Variants in CAST observed in about 807,000 individuals in gnomAD.
The protein encoded by CAST is calpastatin, also known as MIR583 host.
In CAST, 76 loss-of-function variants were observed where a neutral mutation model predicts 119.6. The observed-to-expected ratio is 0.64, with a 90% CI of 0.53 to 0.77. CAST has a LOEUF of 0.77. Among genes scored for constraint, CAST ranks in the 30% least tolerant of loss-of-function variants. The pLI, the probability that CAST is intolerant of heterozygous loss-of-function variation, is 0.00. For synonymous variants in CAST, 319 were observed against 331.6 expected, an observed-to-expected ratio of 0.96 and a Z score of 0.41; for missense variants, 953 against 946.5, an observed-to-expected ratio of 1.01 and a Z score of -0.09.
chr5:96,085,228 TA>T, the CAST span, among the ~76,000 whole-genome samples: 76 of 151,388 alleles, frequency 5.0e-4, no homozygotes, highest in African/African-American at 1.6e-3. Context: ...GTCTATCAAT[TA>T]AAAAAAAATA....
rs1054032935 is a variant in CAST at position 96,664,361 on chromosome 5, GTGTGTGTGCATATATA to G, written c.75+1886_75+1901del. The stretch of plus-strand genomic sequence containing the variant: ...TGTGTGCATATATATGTAAATATAT[GTGTGTGTGCATATATA>G]TGTGTGTGCATATATATGTGTAAAT... On this transcript the variant is annotated intron_variant, in intron 1 of 31. Transcript: ENST00000675179. Among the ~76,000 whole-genome samples the G allele has an allele frequency of 3.0e-3, 446 of 151,170 alleles. 2 individuals carry two copies. The highest frequency in any genetic ancestry group is 0.01 in the African/African-American group (424 of 40,974).
At chr5:96,768,834 C>T (rs909905510) in intron 29 of CAST, 2 of 157,874 alleles carry the variant, frequency 1.3e-5, no homozygotes, top group African/African-American at 4.8e-5. Context: ...CATCTTCTCC[C>T]TTCCCAGTCC....
At chr5:96,458,449 A>C in the CAST span, among the ~76,000 whole-genome samples, 1 of 152,202 alleles carries the variant, frequency 6.6e-6, no homozygotes, top group African/African-American at 2.4e-5. Flanking sequence ...AGGATGGAGG[A>C]GGAGGGTAAA....
At chr5:96,206,541 A>C in the CAST span, among the ~76,000 whole-genome samples, 1 of 151,916 alleles carries the variant, frequency 6.6e-6, no homozygotes, top group Non-Finnish European at 1.5e-5. Flanking sequence ...GTTCTCCCAG[A>C]ACAGTTTATT....
chr5:96,737,988 G>A lies in CAST; in HGVS notation c.798+41G>A, dbSNP rs772664006. The A allele has an allele frequency of 5.2e-6, 6 of 1,144,120 alleles. No homozygotes were observed. The East Asian group carries it at 1.2e-4, about 22-fold the overall frequency. 70.9% of individuals were successfully genotyped at this position (1,144,120 alleles called of 1,614,324 possible). A position where few individuals can be genotyped will look rare whatever the true frequency, so the allele number is the denominator to read the frequency against. Reference sequence around the variant, plus strand: ...ATCTGTAAAAATTCATACTCAGTGGGTAGGAGAGCAAATAAGGCCATGGTC... The same window carrying A: ...ATCTGTAAAAATTCATACTCAGTGGATAGGAGAGCAAATAAGGCCATGGTC... On this transcript the variant is annotated intron_variant, in intron 11 of 31. Transcript: ENST00000675179.
At chr5:96,375,360 C>A in the CAST span, among the ~76,000 whole-genome samples, 2 of 151,576 alleles carry the variant, frequency 1.3e-5, no homozygotes. Context: ...TGTTAAATTG[C>A]ATAAAGAAAA....
At chr5:96,060,249 T>C in the CAST span, among the ~76,000 whole-genome samples, 4 of 152,162 alleles carry the variant, frequency 2.6e-5, no homozygotes, top group African/African-American at 7.2e-5. Flanking sequence ...AAGGGACACA[T>C]GCACCACCTG....
At chr5:96,439,519 T>A in the CAST span, among the ~76,000 whole-genome samples, 2 of 152,122 alleles carry the variant, frequency 1.3e-5, no homozygotes, top group African/African-American at 4.8e-5. Context: ...TAAAAAAAGA[T>A]TGCTTTAAAG....
chr5:96,073,088 C>T, the CAST span, among the ~76,000 whole-genome samples: 1 of 152,216 alleles, frequency 6.6e-6, no homozygotes, highest in Admixed American at 6.5e-5. Context: ...AAAAGTTTTT[C>T]ATTTAAGTCT....
At chr5:96,535,468 C>T (rs1745792584) in intron 1 of CAST, among the ~76,000 whole-genome samples, 1 of 151,918 alleles carries the variant, frequency 6.6e-6, no homozygotes, top group Admixed American at 6.6e-5. Context: ...AAAATATTGC[C>T]TCTGGGGAGG....
At chr5:96,590,975 T>C (rs1746952341) in intron 1 of CAST, among the ~76,000 whole-genome samples, 1 of 152,202 alleles carries the variant, frequency 6.6e-6, no homozygotes, top group African/African-American at 2.4e-5. Context: ...TGCTTGACGG[T>C]GTTTCATGAA....
At chr5:95,978,065 G>T in the CAST span, among the ~76,000 whole-genome samples, 1 of 151,846 alleles carries the variant, frequency 6.6e-6, no homozygotes, top group Admixed American at 6.6e-5. Context: ...GACATTTAGG[G>T]TGATTCCATG....
At chr5:96,091,504 CTTTTTTTTTT>C in the CAST span, among the ~76,000 whole-genome samples, 3 of 98,542 alleles carry the variant, frequency 3.0e-5, no homozygotes, top group African/African-American at 1.2e-4. Flanking sequence ...CATGCCTGGC[CTTTTTTTTTT>C]TTTTTTTTTG....
At chr5:96,521,816 C>T (rs182870322), upstream of CAST, among the ~76,000 whole-genome samples, 1 of 152,260 alleles carries the variant, frequency 6.6e-6, no homozygotes, top group East Asian at 1.9e-4. Flanking sequence ...CAGCTCTTCA[C>T]TGTGCTATAT....
At chr5:96,733,283 G>A (rs1388990582) in intron 9 of CAST, among the ~76,000 whole-genome samples, 2 of 152,162 alleles carry the variant, frequency 1.3e-5, no homozygotes, top group African/African-American at 2.4e-5. Context: ...ACATGAAATG[G>A]TTTGAAAATG....
the CAST span, among the ~76,000 whole-genome samples, chr5:96,313,872 C>G: frequency 6.6e-6 from 1 of 151,996 alleles, no homozygotes; most frequent in Admixed American, 6.6e-5. Flanking sequence ...TTTATAAAAT[C>G]AGTTATGAAA....
the CAST span, among the ~76,000 whole-genome samples, chr5:96,347,086 C>T: frequency 6.6e-6 from 1 of 152,062 alleles, no homozygotes; most frequent in African/African-American, 2.4e-5. Flanking sequence ...GAGACCCTTC[C>T]ACTGGGCTCA....
the CAST span, among the ~76,000 whole-genome samples, chr5:96,032,065 G>A: frequency 1.3e-5 from 2 of 152,154 alleles, no homozygotes; most frequent in Non-Finnish European, 2.9e-5. Flanking sequence ...GTTTCCCCCA[G>A]AGTGAGTGCC....
chr5:96,216,764 G>A, the CAST span, among the ~76,000 whole-genome samples: 1 of 152,278 alleles, frequency 6.6e-6, no homozygotes, highest in South Asian at 2.1e-4. Context: ...TTGCTTTTCT[G>A]GAAGTTACAG....
Sources: allele counts gnomAD v4.1 joint callset (sites outside exome capture counted in the v4.1 genomes callset), GRCh38; gene constraint gnomAD v4.1.1; transcripts MANE v1.5; gene names NCBI Gene and HGNC (gene_info 2026-07-23, HGNC 2026-07-21).